Variants in TEN1 observed in about 807,000 individuals in gnomAD.
The protein encoded by TEN1 is TEN1 subunit of CST complex, also known as CST complex subunit TEN1.
TEN1 carries 6 observed loss-of-function variants against 9.3 expected under a neutral mutation model. The ratio of observed to expected loss-of-function variants is 0.65; its 90% CI spans 0.35 to 1.27. TEN1 has a LOEUF of 1.27. Ranked by LOEUF, TEN1 falls within the 50% of genes most tolerant of loss-of-function variation. The pLI is 0.03. For missense variants in TEN1, 149 were observed against 158.2 expected (o/e 0.94, Z 0.31); for synonymous variants, 65 against 65.6 (o/e 0.99, Z 0.04).
intron 1 of TEN1, among the ~76,000 whole-genome samples, chr17:75,983,736 A>G (rs2066136351): frequency 6.6e-6 from 1 of 152,118 alleles, no homozygotes; most frequent in African/African-American, 2.4e-5. Context: ...GCAGCTAGGC[A>G]ATGGGTGCTT....
rs71361699 is a variant in TEN1, at chr17:75,991,149, C to CAAAAAAA, written c.93-304_93-298dup. ...TGGGCAACAAAGCGAGACTCCATCT[C>CAAAAAAA]AAAAAAAAAAAAAAAAAAAGAAAAA... On this transcript the variant is annotated intron_variant, in intron 2 of 3. Coordinates refer to ENST00000397640, the MANE Select transcript of TEN1 (RefSeq NM_001113324.3). Among the ~76,000 whole-genome samples the CAAAAAAA allele has an allele frequency of 5.2e-4, 36 of 69,024 alleles. 1 individual carries two copies. The highest frequency in any genetic ancestry group is 8.5e-3 in the Middle Eastern group (1 of 118). The allele number at this position is 69,024 out of a possible 152,430, so 45.3% of individuals were successfully genotyped here. A position where few individuals can be genotyped will look rare whatever the true frequency, so the allele number is the denominator to read the frequency against.
At chr17:75,991,867 C>T (rs983593416) in intron 3 of TEN1, among the ~76,000 whole-genome samples, 1 of 151,950 alleles carries the variant, frequency 6.6e-6, no homozygotes, top group South Asian at 2.1e-4. Context: ...GCCAACATGG[C>T]GAAACCCCAT....
intron 1 of TEN1, 78 bp from the exon 2 acceptor site, chr17:75,986,109 A>G (rs1335010474): frequency 2.6e-6 from 3 of 1,155,300 alleles, no homozygotes; most frequent in East Asian, 5.5e-5. Context: ...TTGGTCTCAT[A>G]TATCTGCTAA....
At chr17:75,997,706 T>C (rs758807808) in intron 3 of TEN1, among the ~76,000 whole-genome samples, 19 of 152,172 alleles carry the variant, frequency 1.2e-4, no homozygotes, top group Non-Finnish European at 1.8e-4. Context: ...CTGACCTACC[T>C]GCCCATGACC....
Position 76,000,442 on chromosome 17 carries a change from C to T in TEN1, c.*180C>T. On this transcript the variant is annotated 3_prime_UTR_variant, in exon 4 of 4. Transcript: ENST00000397640. This position sits in a 1 kb window ranked among gnomAD's most constrained non-coding sequence, Gnocchi z 5.9. ...TTGGGATTGGCTCAGCAATGAGAAC[C>T]CAGAAAGCATGCCATAAATCCGACA... 1 of 948,238 alleles carries T rather than the reference C, an allele frequency of 1.1e-6. No individual in the cohort carries two copies. Among genetic ancestry groups the T allele is most frequent in the South Asian group, 1.9e-5 (1 of 53,812 alleles). 58.7% of individuals were successfully genotyped at this position (948,238 alleles called of 1,614,324 possible). A position where few individuals can be genotyped will look rare whatever the true frequency, so the allele number is the denominator to read the frequency against.
intron 3 of TEN1, among the ~76,000 whole-genome samples, chr17:75,995,749 G>A (rs374260016): frequency 2.6e-5 from 4 of 152,194 alleles, no homozygotes; most frequent in Admixed American, 2.6e-4. Flanking sequence ...CCCTTGCCAT[G>A]CATCCTCTGC....
chr17:75,992,516 T>C (rs976171584), intron 3 of TEN1, among the ~76,000 whole-genome samples: 1 of 151,424 alleles, frequency 6.6e-6, no homozygotes, highest in Non-Finnish European at 1.5e-5. Flanking sequence ...TACTTCTGAT[T>C]CCTTTTTATT....
At chr17:75,983,267 C>T (rs556044190) in intron 1 of TEN1, among the ~76,000 whole-genome samples, 89 of 151,820 alleles carry the variant, frequency 5.9e-4, no homozygotes, top group African/African-American at 2.0e-3. Context: ...GCAGACAGAG[C>T]GAGACTCCAT....
At chr17:75,993,199 G>A (rs906400446) in intron 3 of TEN1, among the ~76,000 whole-genome samples, 3 of 151,572 alleles carry the variant, frequency 2.0e-5, no homozygotes, top group African/African-American at 4.9e-5. Context: ...CGCCTCCCGG[G>A]TTCAAGCGAT....
intron 3 of TEN1, among the ~76,000 whole-genome samples, chr17:75,994,434 C>CAA (rs372733441): frequency 0.32 from 43,341 of 136,084 alleles, 6,531 homozygotes; most frequent in African/African-American, 0.34. Context: ...AACTCCGTCT[C>CAA]AAAAAAAAAA....
chr17:75,981,834 C>T (rs939960340), intron 1 of TEN1, among the ~76,000 whole-genome samples: 3 of 152,130 alleles, frequency 2.0e-5, no homozygotes, highest in Non-Finnish European at 4.4e-5. Flanking sequence ...TCGAGACCAT[C>T]CTGGCTAACA....
At chr17:75,993,182 CA>C in intron 3 of TEN1, among the ~76,000 whole-genome samples, 1 of 150,676 alleles carries the variant, frequency 6.6e-6, no homozygotes, top group South Asian at 2.1e-4. Flanking sequence ...CAGCTCACTG[CA>C]ACCTCCGCCT....
intron 3 of TEN1, among the ~76,000 whole-genome samples, chr17:75,997,039 T>C (rs2066222195): frequency 1.3e-5 from 2 of 152,126 alleles, no homozygotes; most frequent in Admixed American, 1.3e-4. Context: ...TTGGACTTGT[T>C]TTCCTGAAAT....
At chr17:75,988,993 G>A (rs113617218) in intron 2 of TEN1, among the ~76,000 whole-genome samples, 38,717 of 151,904 alleles carry the variant, frequency 0.25, 4,977 homozygotes, top group Middle Eastern at 0.34. Flanking sequence ...GGCTGGTCTC[G>A]AACTCCTGAC....
chr17:75,994,563 C>T (rs1053022465), intron 3 of TEN1, among the ~76,000 whole-genome samples: 2 of 151,576 alleles, frequency 1.3e-5, no homozygotes, highest in Admixed American at 6.6e-5. Context: ...CTGCAACCTC[C>T]GCCTCCCAGG....
intron 1 of TEN1, among the ~76,000 whole-genome samples, chr17:75,980,819 AC>A (rs1304688532): frequency 6.6e-6 from 1 of 152,178 alleles, no homozygotes; most frequent in African/African-American, 2.4e-5. Context: ...GAACTATAAT[AC>A]ACACTCTTAA....
chr17:75,998,239 C>T (rs1263894629), intron 3 of TEN1, among the ~76,000 whole-genome samples: 1 of 148,906 alleles, frequency 6.7e-6, no homozygotes, highest in Admixed American at 6.8e-5. Context: ...GCAATCTTGG[C>T]TCACTGCGAC....
At chr17:75,999,030 T>G (rs573542228) in intron 3 of TEN1, among the ~76,000 whole-genome samples, 3 of 150,792 alleles carry the variant, frequency 2.0e-5, no homozygotes, top group African/African-American at 7.3e-5. Context: ...TTGCAAGCTA[T>G]GACTGGGGAA....
chr17:75,980,495 T>G (rs1414311509), intron 1 of TEN1, among the ~76,000 whole-genome samples: 1 of 151,842 alleles, frequency 6.6e-6, no homozygotes, highest in Non-Finnish European at 1.5e-5. Context: ...TGGTATGATC[T>G]CAGCTCATTG....
Sources: gnomAD v4.1 joint callset for allele counts (sites outside exome capture counted in the v4.1 genomes callset) on GRCh38, gnomAD v4.1.1 for gene constraint, Gnocchi (gnomAD v3.1) non-coding constraint, MANE v1.5 for transcripts, NCBI Gene and HGNC (gene_info 2026-07-23, HGNC 2026-07-21) for gene names.